The following D2HGDH variants were observed in gnomAD, a reference collection of about 807,000 sequenced individuals.
D2HGDH encodes the protein D-2-hydroxyglutarate dehydrogenase, mitochondrial.
A neutral mutation model predicts 46.9 loss-of-function variants in D2HGDH; 31 were observed. The observed-to-expected ratio is 0.66, with a 90% confidence interval of 0.50 to 0.89. The LOEUF (loss-of-function observed/expected upper bound fraction) is 0.89. D2HGDH is among the 40% of genes least tolerant of loss of function. The pLI is 0.00. For synonymous variants in D2HGDH, 364 were observed against 332.6 expected (o/e 1.09, Z -1.03); for missense variants, 698 against 720.8 (o/e 0.97, Z 0.36).
chr2:241,744,775 C>G lies in D2HGDH; in HGVS notation c.751C>G (p.Leu251Val). 3.7e-6 allele frequency: 6 copies of G among 1,614,232 alleles called. No homozygotes were observed. Among genetic ancestry groups the G allele is most frequent in the Non-Finnish European group, 5.1e-6 (6 of 1,180,038 alleles). The change falls in exon 6 of 10, where the codon CTG becomes GTG. Residue 251 changes from leucine to valine, a missense_variant. Coordinates refer to ENST00000321264, the MANE Select transcript of D2HGDH (RefSeq NM_152783.5). ...SLRKDNTGYD[L>V]KQLFIGSEGT... The stretch of plus-strand genomic sequence containing the variant: ...GAGGAAGGACAACACGGGCTATGAC[C>G]TGAAGCAGCTGTTCATCGGGTCGGA...
intron 2 of D2HGDH, among the ~76,000 whole-genome samples, chr2:241,738,275 A>C: frequency 6.6e-6 from 1 of 152,086 alleles, no homozygotes; most frequent in East Asian, 1.9e-4. Flanking sequence ...GCAGGTGAGG[A>C]TGGACGCCCA....
At chr2:241,760,119 A>C (rs74565277) in intron 9 of D2HGDH, among the ~76,000 whole-genome samples, 6,572 of 76,716 alleles carry the variant, frequency 0.086, 601 homozygotes, top group African/African-American at 0.15. Flanking sequence ...CAGTCGAAGG[A>C]CTTCGCCACA....
Position 241,767,698 on chromosome 2 carries a change from T to G in D2HGDH, c.1307-12T>G. 6.2e-7 allele frequency: 1 copy of G among 1,612,498 alleles called. No homozygotes were observed. ...CCTGCCCAGCCTGACCCATGTGCCC[T>G]TGTCCCTCCAGGAGATGGTAACCTG... is the stretch of plus-strand genomic sequence containing the variant. On this transcript the variant is annotated splice_polypyrimidine_tract_variant and intron_variant, in intron 9 of 9. Transcript: ENST00000321264.
chr2:241,755,784 G>A (rs1698099104), intron 8 of D2HGDH, 65 bp from the exon 9 acceptor site: 7 of 1,611,410 alleles, frequency 4.3e-6, no homozygotes, highest in Middle Eastern at 3.3e-4. Context: ...CCCGTGTGGT[G>A]TGCCCCCTGT....
At chr2:241,751,453 G>A (rs1697187062) in intron 8 of D2HGDH, 65 bp downstream of exon 8, 4 of 1,597,442 alleles carry the variant, frequency 2.5e-6, no homozygotes, top group Non-Finnish European at 3.4e-6. Flanking sequence ...GTCTTGGGAT[G>A]CCTGGAACGG....
chr2:241,755,890 C>T lies in D2HGDH; in HGVS notation c.1182C>T (p.Ser394=), dbSNP rs755546928. Reference sequence around the variant, plus strand: ...GGGAAAGGATCACAGAGGCGCTGAGCCGGGATGGCTACGTGTACAAGTACG... The same window carrying T: ...GGGAAAGGATCACAGAGGCGCTGAGTCGGGATGGCTACGTGTACAAGTACG... ...ALRERITEAL[S]RDGYVYKYDL... is the part of the protein sequence containing the mutation. Residue 394 remains serine, a synonymous_variant, in exon 9 of 10, where the codon AGC becomes AGT. Coordinates refer to ENST00000321264, the MANE Select transcript of D2HGDH (RefSeq NM_152783.5). 4.0e-5 allele frequency: 65 copies of T among 1,613,066 alleles called. No individual in the cohort carries two copies. Among genetic ancestry groups the T allele is most frequent in the Middle Eastern group, 3.3e-4 (2 of 6,084 alleles).
Position 241,755,876 on chromosome 2 carries a change from A to G in D2HGDH, c.1168A>G (p.Thr390Ala). 6.2e-7 allele frequency: 1 copy of G among 1,613,074 alleles called. No individual in the cohort carries two copies. Among genetic ancestry groups the G allele is most frequent in the Non-Finnish European group, 8.5e-7 (1 of 1,179,528 alleles). ...KMLWALRERI[T>A]EALSRDGYVY... ...GCTGTGGGCCCTGAGGGAAAGGATC[A>G]CAGAGGCGCTGAGCCGGGATGGCTA... Residue 390 changes from threonine (T) to alanine (A), a missense_variant, in exon 9 of 10, where the codon ACA becomes GCA. By Grantham distance (58) the Thr-to-Ala change is moderately conservative. Coordinates refer to ENST00000321264, the MANE Select transcript of D2HGDH (RefSeq NM_152783.5).
At chr2:241,749,677 CT>C in intron 6 of D2HGDH, 1 of 327,296 alleles carries the variant, frequency 3.1e-6, no homozygotes, top group Non-Finnish European at 6.0e-6. Flanking sequence ...GATACGCCCC[CT>C]CTGAGTCCCA....
chr2:241,757,681 G>A (rs1156826082), intron 9 of D2HGDH, among the ~76,000 whole-genome samples: 3 of 152,200 alleles, frequency 2.0e-5, no homozygotes. Context: ...GAATGGGCCA[G>A]GCGCAGTGGT....
chr2:241,759,410 T>C (rs1698532082), intron 9 of D2HGDH, among the ~76,000 whole-genome samples: 1 of 152,254 alleles, frequency 6.6e-6, no homozygotes, highest in Admixed American at 6.5e-5. Flanking sequence ...ATGGACTCGC[T>C]CTTTATCTCC....
chr2:241,748,695 C>T, intron 6 of D2HGDH: 1 of 528,274 alleles, frequency 1.9e-6, no homozygotes, highest in Non-Finnish European at 2.6e-6. Context: ...CTCCTCCCCG[C>T]CCTCCACCTT....
intron 2 of D2HGDH, among the ~76,000 whole-genome samples, chr2:241,737,351 A>G (rs1693206344): frequency 6.6e-6 from 1 of 152,226 alleles, no homozygotes; most frequent in Non-Finnish European, 1.5e-5. Context: ...ATTAGGTAAG[A>G]TGCAGGGCTC....
rs1696858960 is a variant in D2HGDH, at chr2:241,750,029, T to C, written c.854-122T>C. 3.4e-6 allele frequency: 5 copies of C among 1,463,420 alleles called. No homozygotes were observed. In the South Asian group the frequency reaches 4.7e-5, roughly 14 times the overall value. 90.7% of individuals were successfully genotyped at this position (1,463,420 alleles called of 1,614,324 possible). ...TTTGTTGCAGTGCCAGTCCTCGTGC[T>C]CCTCGTGGCTGCCCAGCTCACCCAC... On this transcript the variant is annotated intron_variant, in intron 6 of 9. Coordinates refer to ENST00000321264, the MANE Select transcript of D2HGDH (RefSeq NM_152783.5).
rs749296904 is a variant in D2HGDH at position 241,742,587 on chromosome 2, C to T, written c.490+13C>T. ...CACAGCGTGTCTGGTAAGCCTGTGCCACCCGTCGGGGCCCAGGAGTCCCTC... is the reference window on the plus strand; with the variant it reads ...CACAGCGTGTCTGGTAAGCCTGTGCTACCCGTCGGGGCCCAGGAGTCCCTC... On this transcript the variant is annotated intron_variant, in intron 4 of 9. Coordinates refer to ENST00000321264, the MANE Select transcript of D2HGDH (RefSeq NM_152783.5). The surrounding 1 kb of genome is among the most constrained non-coding windows in gnomAD (Gnocchi z 4.8). 2.5e-6 allele frequency: 4 copies of T among 1,614,044 alleles called. No individual in the cohort carries two copies. Among genetic ancestry groups the T allele is most frequent in the Admixed American group, 3.3e-5 (2 of 60,020 alleles).
intron 5 of D2HGDH, among the ~76,000 whole-genome samples, chr2:241,744,305 C>CT (rs968109568): frequency 4.6e-5 from 7 of 152,176 alleles, no homozygotes; most frequent in African/African-American, 1.7e-4. Context: ...GCTTCAGTAG[C>CT]TTTTTTTTCT....
rs1232349496 is a variant in D2HGDH at position 241,741,096 on chromosome 2, G to T, written c.350+6G>T. 4 of 1,613,156 alleles carry T rather than the reference G, an allele frequency of 2.5e-6. No individual in the cohort carries two copies. Among genetic ancestry groups the T allele is most frequent in the Non-Finnish European group, 3.4e-6 (4 of 1,179,792 alleles). ...GAGGTGTCCCACATCCTCAGGTGAG[G>T]TGGTGGCTCCCGGCTCCCCCAGCCT... On this transcript the variant is annotated splice_donor_region_variant and intron_variant, in intron 3 of 9. Coordinates refer to ENST00000321264, the MANE Select transcript of D2HGDH (RefSeq NM_152783.5).
intron 6 of D2HGDH, among the ~76,000 whole-genome samples, chr2:241,748,595 C>T (rs1231241619): frequency 3.3e-5 from 5 of 152,230 alleles, no homozygotes; most frequent in East Asian, 1.9e-4. Flanking sequence ...CCACTGTCCT[C>T]CCACAGCCAA....
At chr2:241,747,012 A>T (rs1397612759) in intron 6 of D2HGDH, among the ~76,000 whole-genome samples, 1 of 151,980 alleles carries the variant, frequency 6.6e-6, no homozygotes, top group Non-Finnish European at 1.5e-5. Context: ...CTGTTGCCCA[A>T]GCTGAAGTGC....
chr2:241,756,376 G>A (rs866098917), intron 9 of D2HGDH, among the ~76,000 whole-genome samples: 22 of 152,240 alleles, frequency 1.4e-4, no homozygotes, highest in African/African-American at 4.8e-4. Flanking sequence ...GCCCGGCCCC[G>A]AGGCCTTTGC....
Sources: allele counts gnomAD v4.1 joint callset (sites outside exome capture counted in the v4.1 genomes callset), GRCh38; gene constraint gnomAD v4.1.1; non-coding constraint Gnocchi (gnomAD v3.1); transcripts MANE v1.5; gene names NCBI Gene and HGNC (gene_info 2026-07-23, HGNC 2026-07-21).